Variants in COMMD10 observed in about 807,000 individuals in gnomAD.
COMMD10 encodes the protein COMM domain containing 10.
A neutral mutation model predicts 28.9 loss-of-function variants in COMMD10; 33 were observed. The ratio of observed to expected loss-of-function variants is 1.14; its 90% CI spans 0.87 to 1.53. The LOEUF (loss-of-function observed/expected upper bound fraction) is 1.53, where lower values mean the gene tolerates loss of function less well. COMMD10 is among the 40% of genes most tolerant of loss of function. The probability of loss-of-function intolerance (pLI) is 0.00; values close to 1 mark genes in which losing one functional copy is unlikely to be tolerated. For synonymous variants in COMMD10, 110 were observed against 81.7 expected, an observed-to-expected ratio of 1.35 and a Z score of -1.87; for missense variants, 310 against 233.4, an observed-to-expected ratio of 1.33 and a Z score of -2.14.
intron 5 of COMMD10, among the ~76,000 whole-genome samples, chr5:116,154,253 A>G (rs142631991): frequency 5.9e-5 from 9 of 152,174 alleles, no homozygotes; most frequent in Non-Finnish European, 1.3e-4. Flanking sequence ...TTATTTTGTT[A>G]CTTTTATTTT....
At chr5:116,173,886 G>T (rs1397086531) in intron 5 of COMMD10, among the ~76,000 whole-genome samples, 1 of 147,716 alleles carries the variant, frequency 6.8e-6, no homozygotes, top group Admixed American at 6.8e-5. Context: ...TCATAATATA[G>T]TAATATGAAT....
chr5:116,266,938 G>A (rs910684304), intron 5 of COMMD10, among the ~76,000 whole-genome samples: 4 of 151,920 alleles, frequency 2.6e-5, no homozygotes, highest in East Asian at 1.9e-4. Flanking sequence ...GTATTGATGG[G>A]ATATATCTCA....
chr5:116,091,201 G>A lies in COMMD10; in HGVS notation c.243+12G>A. 2 of 1,421,224 alleles carry A rather than the reference G, an allele frequency of 1.4e-6. No individual in the cohort carries two copies. The highest frequency in any genetic ancestry group is 2.4e-5 in the South Asian group (2 of 83,422). The allele number at this position is 1,421,224 out of a possible 1,614,324, so 88.0% of individuals were successfully genotyped here. ...TTATTTTAGAACAGGTATTTTTATTGCATCAAATTTTCTAGCCATGATTTG... is the reference window on the plus strand; with the variant it reads ...TTATTTTAGAACAGGTATTTTTATTACATCAAATTTTCTAGCCATGATTTG... On this transcript the variant is annotated intron_variant, in intron 3 of 6. Coordinates refer to ENST00000274458, the MANE Select transcript of COMMD10 (RefSeq NM_016144.4).
chr5:116,249,653 G>A (rs1201971965), intron 5 of COMMD10, among the ~76,000 whole-genome samples: 1 of 151,836 alleles, frequency 6.6e-6, no homozygotes, highest in Non-Finnish European at 1.5e-5. Context: ...GACTGTGATG[G>A]TCAATGGGTT....
chr5:116,203,012 G>A (rs1228918697), intron 5 of COMMD10, among the ~76,000 whole-genome samples: 2 of 151,632 alleles, frequency 1.3e-5, no homozygotes, highest in Admixed American at 1.3e-4. Context: ...GGGTTTTTAT[G>A]GTTTTAGGTC....
In COMMD10 at chr5:116,242,508, C is replaced by G. The variant is rs141970214; in HGVS notation, c.511-49009C>G. 2.6e-3 allele frequency among the ~76,000 whole-genome samples: 392 copies of G among 152,244 alleles called. 1 individual carries two copies. Among genetic ancestry groups the G allele is most frequent in the Non-Finnish European group, 4.4e-3 (301 of 68,024 alleles). On this transcript the variant is annotated intron_variant, in intron 5 of 6. Transcript: ENST00000274458. ...TATCATCATCTTACAGGAAAGAGAA[C>G]TGGGGTTTAGATTGAGTTTTTTCTC...
intron 4 of COMMD10, among the ~76,000 whole-genome samples, chr5:116,097,024 G>T (rs1488976728): frequency 6.6e-6 from 1 of 151,260 alleles, no homozygotes; most frequent in Non-Finnish European, 1.5e-5. Context: ...AAATATTTTT[G>T]TTTTCTGCTT....
chr5:116,109,505 A>G (rs180694805), intron 4 of COMMD10, among the ~76,000 whole-genome samples: 1 of 152,154 alleles, frequency 6.6e-6, no homozygotes, highest in Non-Finnish European at 1.5e-5. Context: ...GAGGCCTGAG[A>G]ATTGCTTGAA....
At chr5:116,292,395 A>T in intron 6 of COMMD10, 56 bp from the exon 7 acceptor site, 1 of 1,222,174 alleles carries the variant, frequency 8.2e-7, no homozygotes. Context: ...ATAACACTTG[A>T]TATGAGTTTC....
chr5:116,258,771 C>G (rs1044572332), intron 5 of COMMD10, among the ~76,000 whole-genome samples: 2 of 151,590 alleles, frequency 1.3e-5, no homozygotes, highest in Admixed American at 6.6e-5. Flanking sequence ...GGGTTTGATA[C>G]TACGCTAGGA....
At chr5:116,157,937 T>TA (rs1283232228) in intron 5 of COMMD10, among the ~76,000 whole-genome samples, 4 of 130,526 alleles carry the variant, frequency 3.1e-5, no homozygotes, top group African/African-American at 1.5e-4. Flanking sequence ...GGCTTTCCTT[T>TA]ACTTTTTTTT....
intron 5 of COMMD10, among the ~76,000 whole-genome samples, chr5:116,284,686 T>A (rs1431308274): frequency 1.3e-5 from 2 of 152,034 alleles, no homozygotes; most frequent in Non-Finnish European, 2.9e-5. Context: ...CACCATGAAG[T>A]CTGTTGTTAG....
intron 5 of COMMD10, among the ~76,000 whole-genome samples, chr5:116,164,090 G>T (rs1753013247): frequency 6.6e-6 from 1 of 152,136 alleles, no homozygotes; most frequent in South Asian, 2.1e-4. Context: ...GCTAAGGAGG[G>T]CGGATCACCT....
chr5:116,119,582 C>T (rs557589915), intron 4 of COMMD10, among the ~76,000 whole-genome samples: 5 of 151,762 alleles, frequency 3.3e-5, no homozygotes, highest in Admixed American at 2.6e-4. Flanking sequence ...CCAGTCATCT[C>T]TGATACCCTG....
Position 116,217,598 on chromosome 5 carries a change from A to G in COMMD10, c.511-73919A>G, listed in dbSNP as rs61746302. On this transcript the variant is annotated intron_variant, in intron 5 of 6. Coordinates refer to ENST00000274458, the MANE Select transcript of COMMD10 (RefSeq NM_016144.4). ...CGGAAAAGTCCAGATTGCCTGACAC[A>G]CTGGTAACCAATGACTGGAGGTCAG... Among the ~76,000 whole-genome samples the G allele has an allele frequency of 1.8e-3, 271 of 152,310 alleles. 2 individuals carry two copies. Among genetic ancestry groups the G allele is most frequent in the African/African-American group, 6.2e-3 (256 of 41,566 alleles).
At chr5:116,099,737 G>A (rs1750592176) in intron 4 of COMMD10, among the ~76,000 whole-genome samples, 1 of 152,018 alleles carries the variant, frequency 6.6e-6, no homozygotes, top group African/African-American at 2.4e-5. Flanking sequence ...TCATTTTTAT[G>A]CCTTTTTTTG....
intron 5 of COMMD10, among the ~76,000 whole-genome samples, chr5:116,256,199 T>G (rs1202812567): frequency 6.6e-6 from 1 of 151,700 alleles, no homozygotes; most frequent in Non-Finnish European, 1.5e-5. Flanking sequence ...TACAGTATAA[T>G]GAGAGTTAAC....
rs1187543319 is a variant in COMMD10 at position 116,292,606 on chromosome 5, A to G, written c.*117A>G. On this transcript the variant is annotated 3_prime_UTR_variant, in exon 7 of 7. Transcript: ENST00000274458. ...CAGTGACTTGCTTTCTGTAAATTAT[A>G]TGGCTTATCACTTCTTAGACAAATA... 4 of 719,206 alleles carry G rather than the reference A, an allele frequency of 5.6e-6. No individual in the cohort carries two copies. Among genetic ancestry groups the G allele is most frequent in the South Asian group, 4.4e-5 (2 of 45,200 alleles). The allele number at this position is 719,206 out of a possible 1,614,324, so 44.6% of individuals were successfully genotyped here.
intron 5 of COMMD10, among the ~76,000 whole-genome samples, chr5:116,244,375 C>G (rs186021482): frequency 6.6e-6 from 1 of 152,000 alleles, no homozygotes; most frequent in Non-Finnish European, 1.5e-5. Context: ...TTCATGTTTC[C>G]TTAATTCAGT....
Sources: allele counts gnomAD v4.1 joint callset (sites outside exome capture counted in the v4.1 genomes callset), GRCh38; gene constraint gnomAD v4.1.1; transcripts MANE v1.5; gene names NCBI Gene and HGNC (gene_info 2026-07-23, HGNC 2026-07-21).